Variants in NFYC observed in about 807,000 individuals in gnomAD.
NFYC encodes the protein nuclear transcription factor Y subunit gamma.
NFYC carries 25 observed loss-of-function variants against 53.1 expected under a neutral mutation model. The observed-to-expected ratio is 0.47, with a 90% confidence interval of 0.34 to 0.66. NFYC has a LOEUF of 0.66. NFYC is among the 30% of genes least tolerant of loss of function. The probability of loss-of-function intolerance (pLI) is 0.01; values close to 1 mark genes in which losing one functional copy is unlikely to be tolerated. For missense variants in NFYC, 260 were observed against 422.7 expected (o/e 0.62, Z 3.38); for synonymous variants, 145 against 152.6 (o/e 0.95, Z 0.37).
chr1:40,745,909 A>G (rs1029135732), intron 2 of NFYC, among the ~76,000 whole-genome samples: 3 of 152,052 alleles, frequency 2.0e-5, no homozygotes, highest in Non-Finnish European at 4.4e-5. Context: ...GGGTCTCACT[A>G]TGTTGACCAG....
At chr1:40,717,782 C>G (rs1033918754) in intron 1 of NFYC, among the ~76,000 whole-genome samples, 1 of 152,142 alleles carries the variant, frequency 6.6e-6, no homozygotes, top group Non-Finnish European at 1.5e-5. Flanking sequence ...TGTAAAATCT[C>G]AAATGGCAGC....
At chr1:40,746,606 G>A (rs1645619558) in intron 2 of NFYC, among the ~76,000 whole-genome samples, 1 of 152,190 alleles carries the variant, frequency 6.6e-6, no homozygotes, top group African/African-American at 2.4e-5. Context: ...CCTAGTCCCA[G>A]TAGAGATTTT....
intron 1 of NFYC, among the ~76,000 whole-genome samples, chr1:40,717,166 AAG>A (rs149007038): frequency 0.017 from 2,644 of 152,252 alleles, 84 homozygotes; most frequent in African/African-American, 0.06. Context: ...AGAATCAAGA[AAG>A]AGAATTGACA....
In NFYC at chr1:40,751,749, A is replaced by T. The variant is rs145711840; in HGVS notation, c.292-1402A>T. Among the ~76,000 whole-genome samples, 759 of 152,332 alleles carry T rather than the reference A, an allele frequency of 5.0e-3. 5 individuals are homozygous for T. Among genetic ancestry groups the T allele is most frequent in the African/African-American group, 0.018 (735 of 41,584 alleles). On this transcript the variant is annotated intron_variant, in intron 4 of 9. Transcript: ENST00000447388. ...CCAAAATACTCTAGAATATTTTATT[A>T]TATGCTGGAGATGTTTATTATTTTT... is the stretch of plus-strand genomic sequence containing the variant.
chr1:40,715,267 G>A (rs931151549), intron 1 of NFYC, among the ~76,000 whole-genome samples: 33 of 151,512 alleles, frequency 2.2e-4, no homozygotes, highest in East Asian at 1.9e-4. Context: ...TTAGCCAGGC[G>A]TAGTCCCAGC....
At chr1:40,754,947 G>A (rs192446828) in intron 5 of NFYC, among the ~76,000 whole-genome samples, 29 of 152,278 alleles carry the variant, frequency 1.9e-4, no homozygotes, top group Admixed American at 9.8e-4. Context: ...GCATTGATTG[G>A]CATCGTATTC....
At chr1:40,713,422 G>A (rs1214199706) in intron 1 of NFYC, among the ~76,000 whole-genome samples, 2 of 152,162 alleles carry the variant, frequency 1.3e-5, no homozygotes, top group East Asian at 1.9e-4. Flanking sequence ...GTCACTTTGG[G>A]CTTTTGTTTT....
At chr1:40,736,820 C>CAAAAAAA (rs71060396) in intron 1 of NFYC, among the ~76,000 whole-genome samples, 1 of 63,684 alleles carries the variant, frequency 1.6e-5, no homozygotes, top group Non-Finnish European at 2.9e-5. Context: ...AAACTTATTC[C>CAAAAAAA]AAAAAAAAAA....
chr1:40,769,420 G>A lies in NFYC; in HGVS notation c.888+5G>A, dbSNP rs368204816. 89 of 1,613,882 alleles carry A rather than the reference G, an allele frequency of 5.5e-5. No individual in the cohort carries two copies. The highest frequency in any genetic ancestry group is 7.3e-5 in the Non-Finnish European group (86 of 1,179,950). On this transcript the variant is annotated splice_donor_5th_base_variant and intron_variant, in intron 9 of 9. Coordinates refer to ENST00000447388, the MANE Select transcript of NFYC (RefSeq NM_014223.5). Reference sequence around the variant, plus strand: ...AGCCAGTTCACAGATGGACAGGTAGGGTACCCAACCTGGGCTGGGCAGAGG... The same window carrying A: ...AGCCAGTTCACAGATGGACAGGTAGAGTACCCAACCTGGGCTGGGCAGAGG...
chr1:40,758,891 A>G (rs1376763905), intron 6 of NFYC, among the ~76,000 whole-genome samples: 2 of 152,178 alleles, frequency 1.3e-5, no homozygotes, highest in African/African-American at 4.8e-5. Context: ...TTCTCTGTCA[A>G]TCATTATTTA....
chr1:40,758,046 G>A, intron 5 of NFYC, 75 bp from the exon 6 acceptor site: 1 of 1,542,572 alleles, frequency 6.5e-7, no homozygotes, highest in African/African-American at 1.4e-5. Context: ...CTGTTTGGGG[G>A]AAGAGTGGAA....
At chr1:40,740,805 C>G (rs146597764) in intron 2 of NFYC, among the ~76,000 whole-genome samples, 55 of 152,156 alleles carry the variant, frequency 3.6e-4, no homozygotes, top group African/African-American at 1.3e-3. Context: ...CTAGGCCAAT[C>G]GAGCAAGTCT....
intron 4 of NFYC, among the ~76,000 whole-genome samples, chr1:40,751,930 G>C (rs560837802): frequency 6.6e-6 from 1 of 152,188 alleles, no homozygotes; most frequent in East Asian, 1.9e-4. Flanking sequence ...CGTCAAGCTC[G>C]TGGTTGGCAA....
chr1:40,724,946 A>T (rs949576335), intron 1 of NFYC, among the ~76,000 whole-genome samples: 1 of 152,222 alleles, frequency 6.6e-6, no homozygotes, highest in African/African-American at 2.4e-5. Flanking sequence ...CACTTTGAAA[A>T]GCGGCTTCCT....
chr1:40,726,192 A>G (rs1644511222), intron 1 of NFYC, among the ~76,000 whole-genome samples: 1 of 151,686 alleles, frequency 6.6e-6, no homozygotes, highest in Admixed American at 6.6e-5. Flanking sequence ...ATCTCAGCTC[A>G]CTGCAACCTC....
At chr1:40,739,122 A>C (rs1645207241) in intron 2 of NFYC, among the ~76,000 whole-genome samples, 174 bp downstream of exon 2, 1 of 152,214 alleles carries the variant, frequency 6.6e-6, no homozygotes, top group Admixed American at 6.5e-5. Context: ...TCCGTGAGGT[A>C]ACTGCAAGAG....
chr1:40,701,736 G>C (rs1436882609), intron 1 of NFYC, among the ~76,000 whole-genome samples: 1 of 152,124 alleles, frequency 6.6e-6, no homozygotes, highest in African/African-American at 2.4e-5. Flanking sequence ...ACTGTGTCTT[G>C]TTTAGAATCC....
intron 1 of NFYC, among the ~76,000 whole-genome samples, chr1:40,726,842 A>G (rs376077641): frequency 1.3e-5 from 2 of 152,240 alleles, no homozygotes; most frequent in East Asian, 3.8e-4. Flanking sequence ...GCTTCTTTCA[A>G]AACTGGAGTT....
intron 1 of NFYC, among the ~76,000 whole-genome samples, chr1:40,698,933 G>A (rs957778160): frequency 6.6e-6 from 1 of 152,088 alleles, no homozygotes; most frequent in Admixed American, 6.6e-5. Flanking sequence ...GGGAGGCTGA[G>A]GCGGGCAGAT....
Sources: gnomAD v4.1 joint callset for allele counts (sites outside exome capture counted in the v4.1 genomes callset) on GRCh38, gnomAD v4.1.1 for gene constraint, MANE v1.5 for transcripts, NCBI Gene and HGNC (gene_info 2026-07-23, HGNC 2026-07-21) for gene names.